Variants in ICA1 observed in about 807,000 individuals in gnomAD.
The protein encoded by ICA1 is 69 kDa islet cell autoantigen.
ICA1 carries 40 observed loss-of-function variants against 71.0 expected under a neutral mutation model. That is an observed-to-expected ratio of 0.56 (90% CI 0.44 to 0.73). ICA1 has a LOEUF of 0.73. Ranked by LOEUF, ICA1 falls within the 30% of genes least tolerant of loss-of-function variation. ICA1 has a pLI of 0.00. For missense variants in ICA1, 578 were observed against 576.5 expected (o/e 1.00, Z -0.03); for synonymous variants, 207 against 209.5 (o/e 0.99, Z 0.10).
In ICA1 at chr7:8,123,844, C is replaced by A. The variant is rs1787974430; in HGVS notation, c.1330+4029G>T. Among the ~76,000 whole-genome samples the A allele has an allele frequency of 6.6e-6, 1 of 152,242 alleles. No homozygotes were observed. Among genetic ancestry groups the A allele is most frequent in the Non-Finnish European group, 1.5e-5 (1 of 68,046 alleles). ...GGCCAGAGAAGGGAATGGTGAAAGG[C>A]ATGGATTCTGGAGTCCGGCTGCCTG... On this transcript the variant is annotated intron_variant, in intron 13 of 13. Coordinates refer to ENST00000402384, the MANE Select transcript of ICA1 (RefSeq NM_001136020.3). The surrounding 1 kb of genome is among the most constrained non-coding windows in gnomAD (Gnocchi z 4.1).
intron 6 of ICA1, among the ~76,000 whole-genome samples, chr7:8,160,217 A>G (rs6975478): frequency 0.99 from 150,577 of 152,344 alleles, 74,417 homozygotes; most frequent in Middle Eastern, 1. Flanking sequence ...AAATAAATAC[A>G]TAGATCATTT....
At chr7:8,213,278 AG>A (rs1431309378) in intron 6 of ICA1, among the ~76,000 whole-genome samples, 1 of 152,230 alleles carries the variant, frequency 6.6e-6, no homozygotes, top group Non-Finnish European at 1.5e-5. Flanking sequence ...TAATGGAATA[AG>A]CCCCCTACCC....
chr7:8,203,604 G>A (rs993968168), intron 6 of ICA1, among the ~76,000 whole-genome samples: 2 of 152,166 alleles, frequency 1.3e-5, no homozygotes, highest in African/African-American at 4.8e-5. Context: ...TAGAAGCCAG[G>A]ATTCTCCACA....
intron 6 of ICA1, 45 bp from the exon 7 acceptor site, chr7:8,158,697 T>A (rs1333083658): frequency 6.3e-7 from 1 of 1,590,936 alleles, no homozygotes; most frequent in African/African-American, 1.4e-5. Context: ...AACCCTTAAG[T>A]AGGTAAAATT....
Position 8,123,298 on chromosome 7 carries a change from G to A in ICA1, c.1330+4575C>T, listed in dbSNP as rs73674824. 5.1e-3 allele frequency among the ~76,000 whole-genome samples: 784 copies of A among 152,268 alleles called. 8 individuals are homozygous for A. Among genetic ancestry groups the A allele is most frequent in the African/African-American group, 0.018 (745 of 41,538 alleles). ...TTCCCCAGGGGACTGGGGACAGAAC[G>A]AGGAGAGAGGTGGAAGAAGAGAGGT... On this transcript the variant is annotated intron_variant, in intron 13 of 13. Transcript: ENST00000402384. The surrounding 1 kb of genome is among the most constrained non-coding windows in gnomAD (Gnocchi z 4.1).
chr7:8,212,700 C>T (rs919951474), intron 6 of ICA1, among the ~76,000 whole-genome samples: 87 of 152,292 alleles, frequency 5.7e-4, no homozygotes, highest in African/African-American at 2.1e-3. Flanking sequence ...TCAGCAAGGG[C>T]GGGGACGGAG....
chr7:8,128,631 T>G (rs6463770), intron 12 of ICA1, among the ~76,000 whole-genome samples: 142,457 of 152,164 alleles, frequency 0.94, 66,673 homozygotes, highest in East Asian at 1. Context: ...GGCACGACAG[T>G]GAAGGGGAGG....
At chr7:8,137,800 G>A (rs1000227822) in intron 12 of ICA1, among the ~76,000 whole-genome samples, 3 of 152,150 alleles carry the variant, frequency 2.0e-5, no homozygotes, top group South Asian at 2.1e-4. Flanking sequence ...CTAGAGGTGC[G>A]GTGCCTTTCT....
At chr7:8,187,415 T>C (rs1211356244) in intron 6 of ICA1, among the ~76,000 whole-genome samples, 1 of 152,192 alleles carries the variant, frequency 6.6e-6, no homozygotes, top group Non-Finnish European at 1.5e-5. Flanking sequence ...TAAACCTGTG[T>C]AGGGCACTTC....
intron 6 of ICA1, among the ~76,000 whole-genome samples, chr7:8,169,197 G>A (rs1807332706): frequency 6.6e-6 from 1 of 152,038 alleles, no homozygotes; most frequent in African/African-American, 2.4e-5. Context: ...TATTAGTAGT[G>A]TGTTCTTTTT....
chr7:8,197,547 GAA>G lies in ICA1; in HGVS notation c.579+20756_579+20757del, dbSNP rs71014771. Among the ~76,000 whole-genome samples the G allele has an allele frequency of 6.5e-4, 79 of 122,176 alleles. 1 individual carries two copies. Among genetic ancestry groups the G allele is most frequent in the Middle Eastern group, 3.9e-3 (1 of 254 alleles). 80.2% of individuals were successfully genotyped at this position (122,176 alleles called of 152,430 possible). On this transcript the variant is annotated intron_variant, in intron 6 of 13. Coordinates refer to ENST00000402384, the MANE Select transcript of ICA1 (RefSeq NM_001136020.3). ...GGCAATAGAGTGGGACTTCGTCTCA[GAA>G]AAAAAAAAAAAAAGAAGAAAGAAGA...
chr7:8,209,282 T>C (rs1217048465), intron 6 of ICA1, among the ~76,000 whole-genome samples: 1 of 152,146 alleles, frequency 6.6e-6, no homozygotes, highest in East Asian at 1.9e-4. Context: ...TTGAAAAAAA[T>C]CTGTTTGAAG....
At chr7:8,124,400 T>C (rs1788314245) in intron 13 of ICA1, among the ~76,000 whole-genome samples, 2 of 150,058 alleles carry the variant, frequency 1.3e-5, no homozygotes, top group South Asian at 2.1e-4. Flanking sequence ...ATTACAGGCA[T>C]GAGCCACCGC....
intron 6 of ICA1, among the ~76,000 whole-genome samples, chr7:8,202,279 G>T (rs3823821): frequency 0.49 from 73,792 of 152,020 alleles, 21,946 homozygotes; most frequent in South Asian, 0.74. Context: ...CCTTCCACCT[G>T]GCCCTGACAT....
chr7:8,253,112 T>C (rs1006594632), intron 1 of ICA1, among the ~76,000 whole-genome samples: 1 of 152,222 alleles, frequency 6.6e-6, no homozygotes. Context: ...AGAGCCTCAG[T>C]CTAAGGCATC....
intron 3 of ICA1, among the ~76,000 whole-genome samples, chr7:8,231,338 G>A (rs1333753858): frequency 3.3e-5 from 5 of 152,120 alleles, no homozygotes; most frequent in Non-Finnish European, 7.4e-5. Flanking sequence ...CAGTGGGTCA[G>A]GAGCTTTGCT....
intron 6 of ICA1, among the ~76,000 whole-genome samples, chr7:8,178,142 T>C (rs1159375079): frequency 6.6e-5 from 10 of 152,210 alleles, no homozygotes; most frequent in Admixed American, 5.2e-4. Context: ...TCCTTCCTTT[T>C]GTAAGTTCCC....
intron 5 of ICA1, chr7:8,218,874 G>A (rs1362867591): frequency 2.9e-6 from 1 of 344,940 alleles, no homozygotes; most frequent in Non-Finnish European, 5.6e-6. Context: ...GGCCCTTTGA[G>A]GAGGAATGGA....
At chr7:8,236,435 A>G (rs1444032929) in intron 1 of ICA1, among the ~76,000 whole-genome samples, 2 of 152,234 alleles carry the variant, frequency 1.3e-5, no homozygotes, top group South Asian at 4.1e-4. Context: ...GATATACAGC[A>G]GCTTCAAGTG....
Sources: allele counts gnomAD v4.1 joint callset (sites outside exome capture counted in the v4.1 genomes callset), GRCh38; gene constraint gnomAD v4.1.1; non-coding constraint Gnocchi (gnomAD v3.1); transcripts MANE v1.5; gene names NCBI Gene and HGNC (gene_info 2026-07-23, HGNC 2026-07-21).